PAK1: variants seen among roughly 807,000 people sequenced by gnomAD.
PAK1 encodes the protein p21 (RAC1) activated kinase 1.
PAK1 carries 29 observed loss-of-function variants against 67.4 expected under a neutral mutation model. That is an observed-to-expected ratio of 0.43 (90% CI 0.32 to 0.59). The LOEUF (loss-of-function observed/expected upper bound fraction) is 0.59. PAK1 is among the 20% of genes least tolerant of loss of function. The pLI, the probability that PAK1 is intolerant of heterozygous loss-of-function variation, is 0.07. For synonymous variants in PAK1, 223 were observed against 237.4 expected (o/e 0.94, Z 0.56); for missense variants, 337 against 670.7 (o/e 0.50, Z 5.50).
intron 13 of PAK1, among the ~76,000 whole-genome samples, chr11:77,334,173 A>T (rs1287686106): frequency 1.3e-5 from 2 of 151,470 alleles, no homozygotes; most frequent in Non-Finnish European, 2.9e-5. Context: ...CATCTCAAAA[A>T]AAAAAATAAA....
chr11:77,480,394 T>G, the PAK1 span, among the ~76,000 whole-genome samples: 1 of 152,122 alleles, frequency 6.6e-6, no homozygotes, highest in Admixed American at 6.6e-5. Context: ...CAAGTGTCCA[T>G]CTAAATTTTC....
intron 9 of PAK1, among the ~76,000 whole-genome samples, chr11:77,345,388 A>C (rs1458106812): frequency 6.6e-6 from 1 of 152,210 alleles, no homozygotes; most frequent in Non-Finnish European, 1.5e-5. Context: ...GTATACTTTA[A>C]ATTATTTTCT....
chr11:77,326,051 G>A (rs1028676000), intron 14 of PAK1, among the ~76,000 whole-genome samples: 5 of 152,076 alleles, frequency 3.3e-5, no homozygotes, highest in Admixed American at 1.3e-4. Flanking sequence ...TTCATAATAC[G>A]AAAGCAAATG....
intron 2 of PAK1, among the ~76,000 whole-genome samples, chr11:77,387,579 G>C (rs1177176225): frequency 6.6e-6 from 1 of 152,092 alleles, no homozygotes; most frequent in Non-Finnish European, 1.5e-5. Flanking sequence ...GTTGTTGTAG[G>C]TATCAAATAA....
the PAK1 span, among the ~76,000 whole-genome samples, chr11:77,493,344 T>A: frequency 2.0e-5 from 3 of 149,490 alleles, no homozygotes; most frequent in East Asian, 5.9e-4. Flanking sequence ...AGTGGCGTGA[T>A]CTTGGCTCAC....
At position 77,323,298 on chromosome 11, in the gene PAK1, C is replaced by T; in HGVS notation, c.1614G>A (p.Lys538=). Residue 538 remains lysine, a synonymous_variant, in exon 15 of 15, where the codon AAG becomes AAA. Transcript: ENST00000356341. ...TTTAGTGATTGTTCTTTGTTGCCTCCTTAGCTGCAGCAATCAGTGGAGTGA... is the reference window on the plus strand; with the variant it reads ...TTTAGTGATTGTTCTTTGTTGCCTCTTTAGCTGCAGCAATCAGTGGAGTGA... ...SSLTPLIAAA[K]EATKNNH 1 of 1,614,006 alleles carries T rather than the reference C, an allele frequency of 6.2e-7. No individual in the cohort carries two copies. The highest frequency in any genetic ancestry group is 8.5e-7 in the Non-Finnish European group (1 of 1,179,940).
chr11:77,409,539 G>A (rs1954181315), intron 1 of PAK1, among the ~76,000 whole-genome samples: 2 of 151,928 alleles, frequency 1.3e-5, no homozygotes, highest in African/African-American at 4.8e-5. Flanking sequence ...AAATGAAAAT[G>A]TGTATATACA....
chr11:77,469,687 C>CT (rs527648240), intron 1 of PAK1, among the ~76,000 whole-genome samples: 10,310 of 137,494 alleles, frequency 0.075, 776 homozygotes, highest in East Asian at 0.25. Context: ...TGTGAAGAGA[C>CT]TTTTTTTTTT....
chr11:77,424,653 A>T (rs1955456798), intron 1 of PAK1, among the ~76,000 whole-genome samples: 2 of 152,166 alleles, frequency 1.3e-5, no homozygotes, highest in Non-Finnish European at 2.9e-5. Context: ...CCTTTCTTCA[A>T]GCTATTACCA....
At position 77,424,265 on chromosome 11, in the gene PAK1, C is replaced by T. The variant is rs569613813; in HGVS notation, c.-21-31724G>A. 6.6e-4 allele frequency among the ~76,000 whole-genome samples: 100 copies of T among 152,152 alleles called. 1 individual carries two copies. The highest frequency in any genetic ancestry group is 2.3e-3 in the African/African-American group (97 of 41,422). On this transcript the variant is annotated intron_variant, in intron 1 of 14. Transcript: ENST00000356341. ...CATCAGAAAAAGAAAGTTAGTTTCC[C>T]GTTACCTCCTCTCTCAAGTCTTTAA...
intron 1 of PAK1, among the ~76,000 whole-genome samples, chr11:77,464,989 A>T (rs936758248): frequency 4.7e-5 from 7 of 149,004 alleles, no homozygotes; most frequent in Non-Finnish European, 7.5e-5. Flanking sequence ...TACATGAAAG[A>T]GTGTGTGTGT....
chr11:77,480,818 C>G, the PAK1 span, among the ~76,000 whole-genome samples: 1 of 152,146 alleles, frequency 6.6e-6, no homozygotes, highest in Non-Finnish European at 1.5e-5. Context: ...GCCACCACAC[C>G]CAGCCTAAAT....
chr11:77,365,042 T>A (rs1947310644), intron 5 of PAK1, among the ~76,000 whole-genome samples: 1 of 151,254 alleles, frequency 6.6e-6, no homozygotes. Flanking sequence ...AAGTCAGGAG[T>A]TCGAGACCAG....
At chr11:77,385,889 A>G (rs1220370447) in intron 2 of PAK1, among the ~76,000 whole-genome samples, 1 of 152,150 alleles carries the variant, frequency 6.6e-6, no homozygotes, top group Non-Finnish European at 1.5e-5. Flanking sequence ...TACAGGAAAT[A>G]TATGTGCTTT....
chr11:77,513,068 C>T, the PAK1 span, among the ~76,000 whole-genome samples: 2 of 152,046 alleles, frequency 1.3e-5, no homozygotes, highest in Non-Finnish European at 1.5e-5. Flanking sequence ...CCAGCCTGGG[C>T]GATGGACTGA....
chr11:77,438,730 T>G (rs1956233050), intron 1 of PAK1, among the ~76,000 whole-genome samples: 1 of 152,194 alleles, frequency 6.6e-6, no homozygotes, highest in Non-Finnish European at 1.5e-5. Flanking sequence ...CTAACGTCAG[T>G]TCTGTCACAG....
chr11:77,491,839 A>T, the PAK1 span, among the ~76,000 whole-genome samples: 287 of 152,340 alleles, frequency 1.9e-3, 1 homozygote, highest in African/African-American at 6.7e-3. Flanking sequence ...GTCTTTACTT[A>T]TCAATAATAA....
the PAK1 span, among the ~76,000 whole-genome samples, chr11:77,482,287 C>T: frequency 8.8e-4 from 69 of 78,234 alleles, no homozygotes; most frequent in African/African-American, 2.2e-3. Context: ...CCACGCCCGG[C>T]CTATTTTGCT....
chr11:77,469,359 A>G (rs186709211), intron 1 of PAK1, among the ~76,000 whole-genome samples: 84 of 152,306 alleles, frequency 5.5e-4, no homozygotes, highest in Non-Finnish European at 9.9e-4. Context: ...AACATCTCAT[A>G]TAGGGCCTGG....
Sources: gnomAD v4.1 joint callset for allele counts (sites outside exome capture counted in the v4.1 genomes callset) on GRCh38, gnomAD v4.1.1 for gene constraint, MANE v1.5 for transcripts, NCBI Gene and HGNC (gene_info 2026-07-23, HGNC 2026-07-21) for gene names.